The following TLN2 variants were observed in gnomAD, a reference collection of about 807,000 sequenced individuals.
TLN2 encodes talin 2.
TLN2 carries 118 observed loss-of-function variants against 294.7 expected under a neutral mutation model. That is an observed-to-expected ratio of 0.40 (90% CI 0.34 to 0.47). The LOEUF (loss-of-function observed/expected upper bound fraction) is 0.47, where lower values mean the gene tolerates loss of function less well. Among genes scored for constraint, TLN2 ranks in the 20% least tolerant of loss-of-function variants. The pLI is 0.84. For missense variants in TLN2, 3,083 were observed against 3,282.2 expected, an observed-to-expected ratio of 0.94 and a Z score of 1.48; for synonymous variants, 1,431 against 1,304.5, an observed-to-expected ratio of 1.10 and a Z score of -2.09.
chr15:62,604,885 TGCC>T (rs767694237), intron 2 of TLN2, among the ~76,000 whole-genome samples: 2 of 151,802 alleles, frequency 1.3e-5, no homozygotes, highest in Non-Finnish European at 2.9e-5. Flanking sequence ...TATTTGCCGC[TGCC>T]GCCGCCTCCT....
intron 1 of TLN2, among the ~76,000 whole-genome samples, chr15:62,451,772 G>A (rs2036167272): frequency 6.6e-6 from 1 of 152,214 alleles, no homozygotes; most frequent in African/African-American, 2.4e-5. Context: ...CCTTGCAGAG[G>A]TCCATGGGCT....
At chr15:62,788,511 C>T (rs1440891523) in intron 45 of TLN2, among the ~76,000 whole-genome samples, 2 of 152,214 alleles carry the variant, frequency 1.3e-5, no homozygotes, top group African/African-American at 2.4e-5. Flanking sequence ...GTGATGGGCC[C>T]AATCTTGTTT....
In TLN2 at chr15:62,816,490, TCTC is replaced by T. The variant is rs529470673; in HGVS notation, c.6772-3021_6772-3019del. Among the ~76,000 whole-genome samples, 853 of 152,320 alleles carry T rather than the reference TCTC, an allele frequency of 5.6e-3. 6 individuals carry two copies. Among genetic ancestry groups the T allele is most frequent in the Non-Finnish European group, 8.1e-3 (548 of 68,022 alleles). On this transcript the variant is annotated intron_variant, in intron 52 of 58. Coordinates refer to ENST00000636159, the MANE Select transcript of TLN2 (RefSeq NM_015059.3). ...GGCAGAATAAAAATAGAACTCCTCTTCTCCTCCGTTATCTAAAGCTCGGGTTCT... is the reference window on the plus strand; with the variant it reads ...GGCAGAATAAAAATAGAACTCCTCTTCTCCGTTATCTAAAGCTCGGGTTCT...
intron 9 of TLN2, among the ~76,000 whole-genome samples, chr15:62,661,039 A>C (rs1395557542): frequency 6.6e-6 from 1 of 152,206 alleles, no homozygotes; most frequent in Non-Finnish European, 1.5e-5. Flanking sequence ...AGAAATTGAC[A>C]AAGTAGAAGG....
chr15:62,582,400 T>G (rs1003578029), intron 1 of TLN2, among the ~76,000 whole-genome samples: 1 of 152,128 alleles, frequency 6.6e-6, no homozygotes, highest in Admixed American at 6.5e-5. Context: ...GATAAAAATA[T>G]GGGAGAAGCC....
chr15:62,473,713 T>C (rs1205366001), intron 1 of TLN2, among the ~76,000 whole-genome samples: 2 of 152,242 alleles, frequency 1.3e-5, no homozygotes, highest in Non-Finnish European at 2.9e-5. Flanking sequence ...TCATCAGTGC[T>C]ACAAGAAGCC....
chr15:62,665,498 G>A (rs915225871), intron 9 of TLN2, among the ~76,000 whole-genome samples: 1 of 152,184 alleles, frequency 6.6e-6, no homozygotes. Flanking sequence ...ATGAGTCTGC[G>A]TGTTACGTGA....
chr15:62,584,112 G>T (rs548992514), intron 1 of TLN2, among the ~76,000 whole-genome samples: 2 of 152,288 alleles, frequency 1.3e-5, no homozygotes, highest in South Asian at 2.1e-4. Context: ...TTACATAAAA[G>T]AACTAATTAT....
intron 19 of TLN2, among the ~76,000 whole-genome samples, chr15:62,705,069 C>G (rs912459385): frequency 5.3e-5 from 8 of 152,226 alleles, no homozygotes; most frequent in Admixed American, 5.2e-4. Flanking sequence ...TCCTGCCTCT[C>G]CCTGCTTTAG....
At position 62,843,929 on chromosome 15, in the gene TLN2, A is replaced by T. The variant is rs17742040; in HGVS notation, c.*3319A>T. 918 of 152,252 alleles carry T rather than the reference A, an allele frequency of 6.0e-3. 5 individuals carry two copies. Among genetic ancestry groups the T allele is most frequent in the Non-Finnish European group, 0.011 (722 of 68,038 alleles). 9.4% of individuals were successfully genotyped at this position (152,252 alleles called of 1,614,324 possible). ...AGCTTTGAGGTTCTGGGCTCTGGAAAGGCCTCTGGGATGCTGGCCTTAAGA... is the reference window on the plus strand; with the variant it reads ...AGCTTTGAGGTTCTGGGCTCTGGAATGGCCTCTGGGATGCTGGCCTTAAGA... On this transcript the variant is annotated 3_prime_UTR_variant, in exon 59 of 59. Transcript: ENST00000636159.
At chr15:62,403,408 C>T (rs1340479464) in intron 1 of TLN2, among the ~76,000 whole-genome samples, 1 of 152,086 alleles carries the variant, frequency 6.6e-6, no homozygotes, top group Non-Finnish European at 1.5e-5. Context: ...TGGCTTTTTG[C>T]CAATTTTTGT....
In TLN2 at chr15:62,767,969, C is replaced by A. The variant is rs569096935; in HGVS notation, c.5196+1547C>A. 8.0e-5 allele frequency among the ~76,000 whole-genome samples: 12 copies of A among 149,844 alleles called. No individual in the cohort carries two copies. The East Asian group carries it at 2.2e-3, about 27-fold the overall frequency. On this transcript the variant is annotated intron_variant, in intron 41 of 58. Coordinates refer to ENST00000636159, the MANE Select transcript of TLN2 (RefSeq NM_015059.3). ...TAATATATTTATGTCACTTGACTTA[C>A]AAATTTACTCTTGACCCTTGGGCTA...
intron 45 of TLN2, 131 bp downstream of exon 45, chr15:62,784,021 C>T (rs2064421588): frequency 2.7e-6 from 4 of 1,476,602 alleles, no homozygotes; most frequent in Non-Finnish European, 3.7e-6. Flanking sequence ...TATTTCCCCA[C>T]CACTGCACAG....
intron 42 of TLN2, 52 bp from the exon 43 acceptor site, chr15:62,776,712 C>A: frequency 7.2e-7 from 1 of 1,382,952 alleles, no homozygotes; most frequent in Admixed American, 2.7e-5. Flanking sequence ...TCTTAGAAGA[C>A]TGAGCACCGC....
intron 1 of TLN2, among the ~76,000 whole-genome samples, chr15:62,427,678 T>A (rs1017949348): frequency 2.0e-5 from 3 of 152,114 alleles, no homozygotes; most frequent in African/African-American, 4.8e-5. Flanking sequence ...GGGATCTGAG[T>A]CCCTGGTAAC....
At chr15:62,717,481 C>G in intron 23 of TLN2, 95 bp from the exon 24 acceptor site, 4 of 812,688 alleles carry the variant, frequency 4.9e-6, no homozygotes, top group Non-Finnish European at 7.0e-6. Flanking sequence ...CTTTTAGAGC[C>G]ACAAACCTGT....
chr15:62,593,706 G>C (rs2046262575), intron 2 of TLN2, among the ~76,000 whole-genome samples: 1 of 152,134 alleles, frequency 6.6e-6, no homozygotes, highest in Admixed American at 6.5e-5. Context: ...ATCTAAAATG[G>C]CCATTAAAGC....
chr15:62,434,890 C>A (rs2035211094), intron 1 of TLN2, among the ~76,000 whole-genome samples: 1 of 152,202 alleles, frequency 6.6e-6, no homozygotes, highest in African/African-American at 2.4e-5. Context: ...TTAAGCCCAG[C>A]ATCCATTAGC....
chr15:62,473,565 C>T (rs2037612394), intron 1 of TLN2, among the ~76,000 whole-genome samples: 1 of 152,146 alleles, frequency 6.6e-6, no homozygotes, highest in South Asian at 2.1e-4. Context: ...GCTTATTATT[C>T]TTATTTTGAA....
Sources: gnomAD v4.1 joint callset for allele counts (sites outside exome capture counted in the v4.1 genomes callset) on GRCh38, gnomAD v4.1.1 for gene constraint, MANE v1.5 for transcripts, NCBI Gene and HGNC (gene_info 2026-07-23, HGNC 2026-07-21) for gene names.